The following PTPRN2 variants were observed in gnomAD, a reference collection of about 807,000 sequenced individuals.
PTPRN2 encodes the protein protein tyrosine phosphatase receptor type N2.
In PTPRN2, 74 loss-of-function variants were observed where a neutral mutation model predicts 118.8. The observed-to-expected ratio is 0.62, with a 90% CI of 0.52 to 0.76. The LOEUF (loss-of-function observed/expected upper bound fraction) is 0.76. Among genes scored for constraint, PTPRN2 ranks in the 30% least tolerant of loss-of-function variants. The pLI, the probability that PTPRN2 is intolerant of heterozygous loss-of-function variation, is 0.00. For synonymous variants in PTPRN2, 641 were observed against 608.0 expected (o/e 1.05, Z -0.80); for missense variants, 1,481 against 1,394.4 (o/e 1.06, Z -0.99).
chr7:157,992,006 T>A (rs1804291533), intron 11 of PTPRN2, among the ~76,000 whole-genome samples: 1 of 152,146 alleles, frequency 6.6e-6, no homozygotes, highest in South Asian at 2.1e-4. Context: ...TGCAGGAGGC[T>A]CCAGCCAGTA....
At position 157,752,241 on chromosome 7, in the gene PTPRN2, CA is replaced by C. The variant is rs1801515522; in HGVS notation, c.1789-69305del. The stretch of plus-strand genomic sequence containing the variant: ...AGGGCGGCTAAGACAGGTCGGCCAT[CA>C]CGGATGTAGCGGGGAACGTCGTAAG... On this transcript the variant is annotated intron_variant, in intron 12 of 22. Coordinates refer to ENST00000389418, the MANE Select transcript of PTPRN2 (RefSeq NM_002847.5). 3.3e-5 allele frequency among the ~76,000 whole-genome samples: 5 copies of C among 152,348 alleles called. No homozygotes were observed. In the South Asian group the frequency reaches 1.0e-3, roughly 32 times the overall value.
intron 11 of PTPRN2, among the ~76,000 whole-genome samples, chr7:157,927,215 C>T (rs111849493): frequency 0.052 from 4,284 of 81,994 alleles, 1,757 homozygotes; most frequent in Non-Finnish European, 0.075. Context: ...AGACAGGAAG[C>T]CCCAGGGACC....
At chr7:158,551,033 G>A (rs1184986436) in intron 1 of PTPRN2, among the ~76,000 whole-genome samples, 1 of 152,232 alleles carries the variant, frequency 6.6e-6, no homozygotes, top group Non-Finnish European at 1.5e-5. Flanking sequence ...CGTGAGCACG[G>A]GGCCCTTGGA....
intron 3 of PTPRN2, among the ~76,000 whole-genome samples, chr7:158,314,435 T>C (rs1484252034): frequency 6.6e-6 from 1 of 152,276 alleles, no homozygotes; most frequent in Non-Finnish European, 1.5e-5. Context: ...TCCATGTTTG[T>C]CCCTGCGTGG....
intron 1 of PTPRN2, among the ~76,000 whole-genome samples, chr7:158,531,959 A>T (rs373490081): frequency 1.3e-5 from 2 of 152,228 alleles, no homozygotes; most frequent in East Asian, 3.9e-4. Context: ...GTTTCCACTG[A>T]CAAGGACACG....
At chr7:157,752,238 C>T (rs1442343235) in intron 12 of PTPRN2, among the ~76,000 whole-genome samples, 2 of 152,316 alleles carry the variant, frequency 1.3e-5, no homozygotes, top group East Asian at 3.9e-4. Flanking sequence ...ACAGGTCGGC[C>T]ATCACGGATG....
chr7:157,845,482 C>T lies in PTPRN2; in HGVS notation c.1788+53191G>A, dbSNP rs1423964236. On this transcript the variant is annotated intron_variant, in intron 12 of 22. Transcript: ENST00000389418. This position sits in a 1 kb window ranked among gnomAD's most constrained non-coding sequence, Gnocchi z 4.5. ...ACAGCCTAACTCACCATGTTCCCGA[C>T]CACACCCTGGTGAACCACGCAGCCT... 2.0e-5 allele frequency among the ~76,000 whole-genome samples: 3 copies of T among 152,246 alleles called. No individual in the cohort carries two copies. Among genetic ancestry groups the T allele is most frequent in the South Asian group, 4.1e-4 (2 of 4,822 alleles).
intron 2 of PTPRN2, among the ~76,000 whole-genome samples, chr7:158,326,143 G>A (rs1272282601): frequency 2.0e-5 from 3 of 152,196 alleles, no homozygotes; most frequent in African/African-American, 4.8e-5. Context: ...GAGCACAGCC[G>A]CCTCTCATGA....
Position 157,845,715 on chromosome 7 carries a change from C to T in PTPRN2, c.1788+52958G>A, listed in dbSNP as rs1584852200. Among the ~76,000 whole-genome samples, 2 of 152,166 alleles carry T rather than the reference C, an allele frequency of 1.3e-5. No individual in the cohort carries two copies. Among genetic ancestry groups the T allele is most frequent in the African/African-American group, 4.8e-5 (2 of 41,448 alleles). On this transcript the variant is annotated intron_variant, in intron 12 of 22. Transcript: ENST00000389418. This position sits in a 1 kb window ranked among gnomAD's most constrained non-coding sequence, Gnocchi z 4.5. ...GAAAGAAACCAACATGGAGCTGAGGCCCCAGAGAGGTCCCTGTGCTCATGA... is the reference window on the plus strand; with the variant it reads ...GAAAGAAACCAACATGGAGCTGAGGTCCCAGAGAGGTCCCTGTGCTCATGA...
rs139829271 is a variant in PTPRN2 at position 157,674,157 on chromosome 7, C to T, written c.2001+8568G>A. On this transcript the variant is annotated intron_variant, in intron 13 of 22. Coordinates refer to ENST00000389418, the MANE Select transcript of PTPRN2 (RefSeq NM_002847.5). The surrounding 1 kb of genome is among the most constrained non-coding windows in gnomAD (Gnocchi z 4.5). ...GTGTCAGCCATGGCAAAATGAACCC[C>T]CAACACAGCAGGGGAGGGAAGGAGG... Among the ~76,000 whole-genome samples, 122 of 152,180 alleles carry T rather than the reference C, an allele frequency of 8.0e-4. No homozygotes were observed. The highest frequency in any genetic ancestry group is 2.8e-3 in the African/African-American group (118 of 41,508).
In PTPRN2 at chr7:157,977,900, C is replaced by A. The variant is rs2128825096; in HGVS notation, c.1724-79163G>T. Among the ~76,000 whole-genome samples the A allele has an allele frequency of 6.6e-6, 1 of 151,888 alleles. No individual in the cohort carries two copies. The highest frequency in any genetic ancestry group is 6.6e-5 in the Admixed American group (1 of 15,250). On this transcript the variant is annotated intron_variant, in intron 11 of 22. Transcript: ENST00000389418. The surrounding 1 kb of genome is among the most constrained non-coding windows in gnomAD (Gnocchi z 4.6). ...GTGGCTGAGGAGGAGGGAAGGAGGT[C>A]AGCTTCCCGATGTGTCTGTGGGCCG...
chr7:158,013,734 T>TCCCCCCCCCCCCCCCCCCCCCCC (rs1806219777), intron 11 of PTPRN2, among the ~76,000 whole-genome samples: 2 of 75,206 alleles, frequency 2.7e-5, no homozygotes, highest in Admixed American at 1.5e-4. Context: ...CACCCACTCA[T>TCCCCCCCCCCCCCCCCCCCCCCC]CCACCCACCC....
intron 1 of PTPRN2, among the ~76,000 whole-genome samples, chr7:158,508,674 C>T (rs1434872139): frequency 5.8e-5 from 6 of 104,004 alleles, no homozygotes; most frequent in East Asian, 2.8e-4. Context: ...CAACGTGGGA[C>T]GCTCGGAGCA....
intron 10 of PTPRN2, among the ~76,000 whole-genome samples, chr7:158,097,252 A>G (rs1814701588): frequency 6.6e-6 from 1 of 152,098 alleles, no homozygotes. Context: ...AAGGAGGTGG[A>G]GGGGCCCGGG....
chr7:157,985,410 T>C lies in PTPRN2; in HGVS notation c.1724-86673A>G, dbSNP rs184070243. ...TGTGTGGTGTGCCTTCACAAGTAAT[T>C]TCTATGGAAAACAGCCGTCAGACAG... On this transcript the variant is annotated intron_variant, in intron 11 of 22. Transcript: ENST00000389418. 1.8e-3 allele frequency among the ~76,000 whole-genome samples: 273 copies of C among 152,140 alleles called. 1 individual carries two copies. The highest frequency in any genetic ancestry group is 3.4e-3 in the Non-Finnish European group (231 of 68,026).
chr7:157,825,314 G>A (rs1262769841), intron 12 of PTPRN2, among the ~76,000 whole-genome samples: 1 of 152,116 alleles, frequency 6.6e-6, no homozygotes, highest in East Asian at 1.9e-4. Context: ...CAGCCATCTG[G>A]GATCATGAGG....
chr7:157,809,534 C>T (rs761157139), intron 12 of PTPRN2, among the ~76,000 whole-genome samples: 8 of 152,220 alleles, frequency 5.3e-5, no homozygotes, highest in Non-Finnish European at 8.8e-5. Context: ...ACAGTGAATG[C>T]CGCCTTCTGG....
At chr7:158,285,334 A>G (rs1799698803) in intron 3 of PTPRN2, among the ~76,000 whole-genome samples, 1 of 152,150 alleles carries the variant, frequency 6.6e-6, no homozygotes, top group African/African-American at 2.4e-5. Flanking sequence ...AGACATTCCA[A>G]AGGCCAAGCA....
intron 10 of PTPRN2, among the ~76,000 whole-genome samples, chr7:158,103,230 G>A (rs1055866332): frequency 5.3e-5 from 8 of 152,160 alleles, no homozygotes; most frequent in South Asian, 2.1e-4. Context: ...AAAACTAGGC[G>A]CCTTCCTGGG....
Sources: allele counts gnomAD v4.1 joint callset (sites outside exome capture counted in the v4.1 genomes callset), GRCh38; gene constraint gnomAD v4.1.1; non-coding constraint Gnocchi (gnomAD v3.1); transcripts MANE v1.5; gene names NCBI Gene and HGNC (gene_info 2026-07-23, HGNC 2026-07-21).